Variants in PCDHB4 observed in about 807,000 individuals in gnomAD.
PCDHB4 encodes the protein protocadherin beta 4, also known as protocadherin beta-4.
For synonymous variants in PCDHB4, 482 were observed against 447.3 expected (o/e 1.08, Z -0.98); for missense variants, 1,063 against 1,007.0 (o/e 1.06, Z -0.75).
chr5:141,123,601 C>G lies in PCDHB4; in HGVS notation c.1603C>G (p.Arg535Gly), dbSNP rs376183377. The G allele has an allele frequency of 1.2e-6, 2 of 1,612,268 alleles. No individual in the cohort carries two copies. The highest frequency in any genetic ancestry group is 2.2e-5 in the East Asian group (1 of 44,880). The stretch of plus-strand genomic sequence containing the variant: ...CGAGTTCCGCGTGGGCGCCTCAGAC[C>G]GCGGTTCTCCGGCTTTGAGCAGCGA... ...AFEFRVGASD[R>G]GSPALSSEAL... Residue 535 changes from arginine (R) to glycine (G), a missense_variant, in exon 1 of 1, where the codon CGC becomes GGC. Coordinates refer to ENST00000194152, the MANE Select transcript of PCDHB4 (RefSeq NM_018938.4).
chr5:141,122,857 A>G lies in PCDHB4; in HGVS notation c.859A>G (p.Ile287Val). Residue 287 changes from isoleucine to valine, a missense_variant, in exon 1 of 1, where the codon ATT becomes GTT. Physicochemically the swap from Ile to Val is conservative, Grantham distance 29. Transcript: ENST00000194152. ...TGGCTTATTCCAAGCATCAGATGAA[A>G]TTAAACAAACTTTCTCAATAAATGA... ...SYGLFQASDEIKQTFSINEVT... is the reference protein window; with the variant it reads ...SYGLFQASDEVKQTFSINEVT... 6.2e-7 allele frequency: 1 copy of G among 1,614,048 alleles called. No homozygotes were observed. Among genetic ancestry groups the G allele is most frequent in the Non-Finnish European group, 8.5e-7 (1 of 1,179,992 alleles).
chr5:141,124,072 G>C lies in PCDHB4; in HGVS notation c.2074G>C (p.Ala692Pro). The C allele has an allele frequency of 6.2e-7, 1 of 1,607,942 alleles. No homozygotes were observed. Among genetic ancestry groups the C allele is most frequent in the Admixed American group, 1.7e-5 (1 of 60,022 alleles). Reference protein sequence around the residue: ...ADSLTVYLVVALASVSSLFLF... With the variant: ...ADSLTVYLVVPLASVSSLFLF... ...CTCTCTCACCGTCTACCTGGTGGTG[G>C]CGTTGGCCTCGGTGTCGTCGCTCTT... is the stretch of plus-strand genomic sequence containing the variant. The change falls in exon 1 of 1, where the codon GCG becomes CCG. Residue 692 changes from alanine to proline, a missense_variant. Physicochemically the swap from Ala to Pro is conservative, Grantham distance 27. Coordinates refer to ENST00000194152, the MANE Select transcript of PCDHB4 (RefSeq NM_018938.4).
In PCDHB4 at chr5:141,124,060, T is replaced by C; in HGVS notation, c.2062T>C (p.Tyr688His). The change falls in exon 1 of 1, where the codon TAC (tyrosine) becomes CAC (histidine). Residue 688 changes from tyrosine to histidine, a missense_variant. Coordinates refer to ENST00000194152, the MANE Select transcript of PCDHB4 (RefSeq NM_018938.4). ...GGCCCAGGCCGACTCTCTCACCGTC[T>C]ACCTGGTGGTGGCGTTGGCCTCGGT... ...AQAQADSLTV[Y>H]LVVALASVSS... The C allele has an allele frequency of 1.2e-6, 2 of 1,607,522 alleles. No individual in the cohort carries two copies. Among genetic ancestry groups the C allele is most frequent in the Non-Finnish European group, 1.7e-6 (2 of 1,179,734 alleles).
rs1554274444 is a variant in PCDHB4 at position 141,122,945 on chromosome 5, T to C, written c.947T>C (p.Val316Ala). ...LDFEKIKSYH[V>A]EIEATDGGGL... ...TTCGAAAAAATTAAATCTTACCATGTAGAAATTGAGGCCACAGATGGAGGA... is the reference window on the plus strand; with the variant it reads ...TTCGAAAAAATTAAATCTTACCATGCAGAAATTGAGGCCACAGATGGAGGA... Residue 316 changes from valine (V) to alanine (A), a missense_variant, in exon 1 of 1, where the codon GTA (valine) becomes GCA (alanine). By Grantham distance (64) the Val-to-Ala change is moderately conservative (BLOSUM62 0). Coordinates refer to ENST00000194152, the MANE Select transcript of PCDHB4 (RefSeq NM_018938.4). 6.2e-7 allele frequency: 1 copy of C among 1,611,534 alleles called. No homozygotes were observed. Among genetic ancestry groups the C allele is most frequent in the East Asian group, 2.2e-5 (1 of 44,884 alleles).
In PCDHB4 at chr5:141,122,043, C is replaced by T. The variant is rs1563854384; in HGVS notation, c.45C>T (p.Ala15=). 5 of 1,612,936 alleles carry T rather than the reference C, an allele frequency of 3.1e-6. No individual in the cohort carries two copies. The highest frequency in any genetic ancestry group is 1.7e-4 in the Middle Eastern group (1 of 6,056). Residue 15 remains alanine, a synonymous_variant, in exon 1 of 1, where the codon GCC becomes GCT. Coordinates refer to ENST00000194152, the MANE Select transcript of PCDHB4 (RefSeq NM_018938.4). ...GRIHPNRQVL[A]FILMVFLSQV... is the part of the protein sequence containing the mutation. ...TTCATCCAAACAGGCAAGTGTTGGC[C>T]TTTATTTTGATGGTGTTCTTGTCTC... is the stretch of plus-strand genomic sequence containing the variant.
Position 141,124,726 on chromosome 5 carries a change from T to G in PCDHB4, c.*340T>G, listed in dbSNP as rs542042097. The stretch of plus-strand genomic sequence containing the variant: ...TTAATGGAACATTTAAGTGAATATA[T>G]GAATATTGAATTTCTAAATATTTGT... On this transcript the variant is annotated 3_prime_UTR_variant, in exon 1 of 1. Transcript: ENST00000194152. 5.5e-6 allele frequency: 1 copy of G among 180,470 alleles called. No homozygotes were observed. The highest frequency in any genetic ancestry group is 1.5e-4 in the East Asian group (1 of 6,572). 11.2% of individuals were successfully genotyped at this position (180,470 alleles called of 1,614,324 possible). A position where few individuals can be genotyped will look rare whatever the true frequency, so the allele number is the denominator to read the frequency against.
chr5:141,123,598 G>A lies in PCDHB4; in HGVS notation c.1600G>A (p.Asp534Asn), dbSNP rs782455109. The part of the protein sequence containing the change: ...QAFEFRVGAS[D>N]RGSPALSSEA... ...GTTCGAGTTCCGCGTGGGCGCCTCA[G>A]ACCGCGGTTCTCCGGCTTTGAGCAG... Residue 534 changes from aspartate to asparagine, a missense_variant, in exon 1 of 1, where the codon GAC becomes AAC. Physicochemically the swap from Asp to Asn is conservative, Grantham distance 23. Coordinates refer to ENST00000194152, the MANE Select transcript of PCDHB4 (RefSeq NM_018938.4). 1 of 1,612,322 alleles carries A rather than the reference G, an allele frequency of 6.2e-7. No homozygotes were observed. The highest frequency in any genetic ancestry group is 8.5e-7 in the Non-Finnish European group (1 of 1,179,802).
rs781921064 is a variant in PCDHB4, at chr5:141,122,111, CAG to C, written c.118_119del (p.Ser40ArgfsTer28). Reference sequence around the variant, plus strand: ...ATTCGTTATTCTGTGTTGGAGGAAACAGAGAGCGGCTCCTTTGTAGCCCATCT... The same window carrying C: ...ATTCGTTATTCTGTGTTGGAGGAAACAGAGCGGCTCCTTTGTAGCCCATCT... On this transcript the variant is annotated frameshift_variant, in exon 1 of 1. Transcript: ENST00000194152. LOFTEE classifies it low-confidence loss of function (END_TRUNC). 7.4e-6 allele frequency: 12 copies of C among 1,614,064 alleles called. No individual in the cohort carries two copies. The African/African-American group carries it at 1.6e-4, about 22-fold the overall frequency.
rs781880373 is a variant in PCDHB4 at position 141,124,075 on chromosome 5, T to C, written c.2077T>C (p.Leu693=). 1.2e-6 allele frequency: 2 copies of C among 1,607,788 alleles called. No homozygotes were observed. Among genetic ancestry groups the C allele is most frequent in the Admixed American group, 1.7e-5 (1 of 60,014 alleles). ...TCTCACCGTCTACCTGGTGGTGGCG[T>C]TGGCCTCGGTGTCGTCGCTCTTCCT... is the stretch of plus-strand genomic sequence containing the variant. ...DSLTVYLVVA[L]ASVSSLFLFS... is the part of the protein sequence containing the mutation. Residue 693 remains leucine, a synonymous_variant, in exon 1 of 1, where the codon TTG becomes CTG. Transcript: ENST00000194152.
Position 141,123,634 on chromosome 5 carries a change from G to T in PCDHB4, c.1636G>T (p.Val546Leu), listed in dbSNP as rs371282655. The T allele has an allele frequency of 6.2e-7, 1 of 1,611,898 alleles. No individual in the cohort carries two copies. The change falls in exon 1 of 1, where the codon GTG becomes TTG. Residue 546 changes from valine (V) to leucine (L), a missense_variant. Val to Leu is a conservative substitution (Grantham distance 32). Coordinates refer to ENST00000194152, the MANE Select transcript of PCDHB4 (RefSeq NM_018938.4). ...GSPALSSEALVRVLVLDTNDN... is the reference protein window; with the variant it reads ...GSPALSSEALLRVLVLDTNDN... ...TCCGGCTTTGAGCAGCGAGGCGCTG[G>T]TGCGCGTGCTGGTGCTGGACACCAA...
In PCDHB4 at chr5:141,124,222, G is replaced by A. The variant is rs1752371276; in HGVS notation, c.2224G>A (p.Gly742Arg). The change falls in exon 1 of 1, where the codon GGG becomes AGG. Residue 742 changes from glycine (G) to arginine (R), a missense_variant. Transcript: ENST00000194152. Reference sequence around the variant, plus strand: ...GCATCTGGTGGACGTAAGCGGCACCGGGACCCTGTCCCAGAGCTACCAGTA... The same window carrying A: ...GCATCTGGTGGACGTAAGCGGCACCAGGACCCTGTCCCAGAGCTACCAGTA... Reference protein sequence around the residue: ...PGHLVDVSGTGTLSQSYQYEV... With the variant: ...PGHLVDVSGTRTLSQSYQYEV... 4 of 1,614,072 alleles carry A rather than the reference G, an allele frequency of 2.5e-6. No individual in the cohort carries two copies. The highest frequency in any genetic ancestry group is 1.7e-6 in the Non-Finnish European group (2 of 1,179,958).
At position 141,121,987 on chromosome 5, in the gene PCDHB4, C is replaced by G; in HGVS notation, c.-12C>G. ...TGCTGAGGGGATTGGATATAGGGACCTGGACTCCAACATGAAGAAGCTAGG... is the reference window on the plus strand; with the variant it reads ...TGCTGAGGGGATTGGATATAGGGACGTGGACTCCAACATGAAGAAGCTAGG... On this transcript the variant is annotated 5_prime_UTR_variant, in exon 1 of 1. Coordinates refer to ENST00000194152, the MANE Select transcript of PCDHB4 (RefSeq NM_018938.4). The G allele has an allele frequency of 6.4e-7, 1 of 1,558,870 alleles. No individual in the cohort carries two copies. Among genetic ancestry groups the G allele is most frequent in the Admixed American group, 1.9e-5 (1 of 53,120 alleles).
At position 141,122,158 on chromosome 5, in the gene PCDHB4, G is replaced by C. The variant is rs781900996; in HGVS notation, c.160G>C (p.Gly54Arg). The change falls in exon 1 of 1, where the codon GGA becomes CGA. Residue 54 changes from glycine (G) to arginine (R), a missense_variant. Gly to Arg is a moderately radical substitution (Grantham distance 125). Transcript: ENST00000194152. Reference sequence around the variant, plus strand: ...CCATCTGGCCAAGGATCTGGGCCTGGGAATTGGGGAACTGGCCTCCCGGTC... The same window carrying C: ...CCATCTGGCCAAGGATCTGGGCCTGCGAATTGGGGAACTGGCCTCCCGGTC... ...VAHLAKDLGL[G>R]IGELASRSAR... The C allele has an allele frequency of 6.2e-7, 1 of 1,614,168 alleles. No individual in the cohort carries two copies. Among genetic ancestry groups the C allele is most frequent in the South Asian group, 1.1e-5 (1 of 91,072 alleles).
Position 141,123,334 on chromosome 5 carries a change from A to C in PCDHB4, c.1336A>C (p.Asn446His). The part of the protein sequence containing the change: ...ITVQVSDVND[N>H]APAFTQTSYT... ...CGTGCAGGTCTCCGACGTCAATGACAACGCCCCCGCCTTCACCCAAACCTC... is the reference window on the plus strand; with the variant it reads ...CGTGCAGGTCTCCGACGTCAATGACCACGCCCCCGCCTTCACCCAAACCTC... Residue 446 changes from asparagine (N) to histidine (H), a missense_variant, in exon 1 of 1, where the codon AAC (asparagine) becomes CAC (histidine). Physicochemically the swap from Asn to His is moderately conservative, Grantham distance 68. Coordinates refer to ENST00000194152, the MANE Select transcript of PCDHB4 (RefSeq NM_018938.4). The C allele has an allele frequency of 6.2e-7, 1 of 1,614,076 alleles. No individual in the cohort carries two copies.
Position 141,121,918 on chromosome 5 carries a change from C to G in PCDHB4, c.-81C>G, listed in dbSNP as rs1752289265. ...TAAAAGCAACTGTGTGACGATTCCT[C>G]CAAGCAAGAAATTGGAATTGAATGT... On this transcript the variant is annotated 5_prime_UTR_variant, in exon 1 of 1. Transcript: ENST00000194152. The G allele has an allele frequency of 2.0e-6, 2 of 1,023,480 alleles. No homozygotes were observed. The highest frequency in any genetic ancestry group is 2.6e-5 in the Admixed American group (1 of 38,690). 63.4% of individuals were successfully genotyped at this position (1,023,480 alleles called of 1,614,324 possible). A position where few individuals can be genotyped will look rare whatever the true frequency, so the allele number is the denominator to read the frequency against.
At position 141,123,343 on chromosome 5, in the gene PCDHB4, G is replaced by A; in HGVS notation, c.1345G>A (p.Ala449Thr). Residue 449 changes from alanine (A) to threonine (T), a missense_variant, in exon 1 of 1, where the codon GCC becomes ACC. Transcript: ENST00000194152. ...CTCCGACGTCAATGACAACGCCCCC[G>A]CCTTCACCCAAACCTCCTACACCCT... ...QVSDVNDNAP[A>T]FTQTSYTLFV... 1.2e-6 allele frequency: 2 copies of A among 1,613,614 alleles called. No individual in the cohort carries two copies. Among genetic ancestry groups the A allele is most frequent in the South Asian group, 1.1e-5 (1 of 91,048 alleles).
rs782627992 is a variant in PCDHB4, at chr5:141,121,954, G to A, written c.-45G>A. The A allele has an allele frequency of 3.0e-6, 4 of 1,346,312 alleles. No homozygotes were observed. The highest frequency in any genetic ancestry group is 2.9e-5 in the South Asian group (2 of 69,972). 83.4% of individuals were successfully genotyped at this position (1,346,312 alleles called of 1,614,324 possible). ...ATTGGAATTGAATGTCTCAAGTCTC[G>A]TTGCGGTTGCTGAGGGGATTGGATA... On this transcript the variant is annotated 5_prime_UTR_variant, in exon 1 of 1. Coordinates refer to ENST00000194152, the MANE Select transcript of PCDHB4 (RefSeq NM_018938.4).
Position 141,123,244 on chromosome 5 carries a change from TACA to T in PCDHB4, c.1250_1252del (p.Asn417del), listed in dbSNP as rs1563857284. The T allele has an allele frequency of 1.2e-6, 2 of 1,613,914 alleles. No homozygotes were observed. The highest frequency in any genetic ancestry group is 1.7e-6 in the Non-Finnish European group (2 of 1,179,990). ...ACTGGACCGAGAGACCAGCGCTGAG[TACA>T]ACATCACCATCGCCGTCACTGACTT... is the stretch of plus-strand genomic sequence containing the variant. On this transcript the variant is annotated inframe_deletion, in exon 1 of 1. Coordinates refer to ENST00000194152, the MANE Select transcript of PCDHB4 (RefSeq NM_018938.4).
rs782185764 is a variant in PCDHB4, at chr5:141,124,124, C to T, written c.2126C>T (p.Ala709Val). Residue 709 changes from alanine to valine, a missense_variant, in exon 1 of 1, where the codon GCG becomes GTG. Coordinates refer to ENST00000194152, the MANE Select transcript of PCDHB4 (RefSeq NM_018938.4). ...LFLFSVLLFV[A>V]VRLCRRSRAA... ...CTCTTCTCGGTGCTCCTGTTCGTGGCGGTGCGGCTGTGCAGGAGGAGCAGG... is the reference window on the plus strand; with the variant it reads ...CTCTTCTCGGTGCTCCTGTTCGTGGTGGTGCGGCTGTGCAGGAGGAGCAGG... 1 of 1,611,034 alleles carries T rather than the reference C, an allele frequency of 6.2e-7. No individual in the cohort carries two copies. The highest frequency in any genetic ancestry group is 2.0e-4 in the Middle Eastern group (1 of 5,062).
Sources: gnomAD v4.1 joint callset for allele counts on GRCh38, gnomAD v4.1.1 for gene constraint, MANE v1.5 for transcripts, NCBI Gene and HGNC (gene_info 2026-07-23, HGNC 2026-07-21) for gene names.